Variants in DUS2 observed in about 807,000 individuals in gnomAD.
DUS2 encodes the protein tRNA-dihydrouridine(20) synthase [NAD(P)+]-like.
DUS2 carries 52 observed loss-of-function variants against 71.3 expected under a neutral mutation model. The observed-to-expected ratio is 0.73, with a 90% confidence interval of 0.58 to 0.92. The LOEUF (loss-of-function observed/expected upper bound fraction) is 0.92, where lower values mean the gene tolerates loss of function less well. Among genes scored for constraint, DUS2 ranks in the 40% least tolerant of loss-of-function variants. DUS2 has a pLI of 0.00. For synonymous variants in DUS2, 204 were observed against 227.8 expected (o/e 0.90, Z 0.94); for missense variants, 558 against 622.6 (o/e 0.90, Z 1.10).
chr16:68,049,695 T>A, intron 4 of DUS2, 145 bp downstream of exon 4: 1 of 754,504 alleles, frequency 1.3e-6, no homozygotes. Context: ...GAGCAGTCAC[T>A]GATCTCCAGA....
intron 4 of DUS2, among the ~76,000 whole-genome samples, chr16:68,053,036 C>A (rs547712423): frequency 3.3e-5 from 5 of 151,776 alleles, no homozygotes; most frequent in African/African-American, 4.8e-5. Flanking sequence ...GATCTCGGCT[C>A]GCTGCAACCT....
chr16:68,064,857 G>T (rs2033984703), intron 8 of DUS2, among the ~76,000 whole-genome samples: 1 of 152,140 alleles, frequency 6.6e-6, no homozygotes, highest in Admixed American at 6.5e-5. Context: ...TCCCTGATAG[G>T]CCTCCACTAC....
intron 8 of DUS2, among the ~76,000 whole-genome samples, chr16:68,065,233 C>G (rs1343909200): frequency 1.3e-5 from 2 of 152,092 alleles, no homozygotes; most frequent in Admixed American, 1.3e-4. Flanking sequence ...TTTCCTTTGC[C>G]AGTTTCACTC....
intron 1 of DUS2, among the ~76,000 whole-genome samples, chr16:68,025,122 G>A (rs1020063617): frequency 6.6e-6 from 1 of 152,080 alleles, no homozygotes; most frequent in African/African-American, 2.4e-5. Context: ...GAGCCGCTGT[G>A]CCCGGCCCAA....
rs368199365 is a variant in DUS2 at position 68,054,593 on chromosome 16, G to A, written c.284G>A (p.Arg95Gln). 9 of 1,614,134 alleles carry A rather than the reference G, an allele frequency of 5.6e-6. No individual in the cohort carries two copies. Among genetic ancestry groups the A allele is most frequent in the Non-Finnish European group, 7.6e-6 (9 of 1,180,020 alleles). The change falls in exon 6 of 17, where the codon CGA becomes CAA. Residue 95 changes from arginine (R) to glutamine (Q), a missense_variant. By Grantham distance (43) the Arg-to-Gln change is conservative. Transcript: ENST00000565263. ...VFQMGTSDAE[R>Q]ALAVARLVEN... ...TCCCAGGGGACTTCAGACGCAGAGC[G>A]AGCCCTTGCTGTGGCCAGGCTTGTG...
At chr16:68,023,934 C>T (rs555243696) in intron 1 of DUS2, 37 of 167,338 alleles carry the variant, frequency 2.2e-4, no homozygotes, top group Non-Finnish European at 4.4e-4. Context: ...GCTCCACTGG[C>T]TTCCCCGTCA....
At chr16:68,029,509 C>T (rs760247917) in intron 2 of DUS2, among the ~76,000 whole-genome samples, 4 of 151,884 alleles carry the variant, frequency 2.6e-5, no homozygotes, top group African/African-American at 4.8e-5. Flanking sequence ...TGCAGTGATA[C>T]GATCTTGGCT....
chr16:68,038,041 C>G lies in DUS2; in HGVS notation c.18C>G (p.Leu6=). MILNS[L]SLCYHNKLIL... ...AGGAGGAAATGATTTTGAATAGCCT[C>G]TCTCTGTGTTACCATAATAAGCTAA... Residue 6 remains leucine (L), a synonymous_variant, in exon 3 of 17, where the codon CTC becomes CTG. Coordinates refer to ENST00000565263, the MANE Select transcript of DUS2 (RefSeq NM_017803.5). The G allele has an allele frequency of 6.2e-7, 1 of 1,613,814 alleles. No individual in the cohort carries two copies. Among genetic ancestry groups the G allele is most frequent in the South Asian group, 1.1e-5 (1 of 91,070 alleles).
intron 1 of DUS2, among the ~76,000 whole-genome samples, chr16:68,024,337 G>A (rs1378509023): frequency 6.6e-6 from 1 of 152,006 alleles, no homozygotes; most frequent in African/African-American, 2.4e-5. Context: ...GGCCTCAAGC[G>A]ATCTTCCCAC....
At chr16:68,046,832 C>T (rs969563428) in intron 3 of DUS2, among the ~76,000 whole-genome samples, 9 of 151,764 alleles carry the variant, frequency 5.9e-5, no homozygotes, top group Non-Finnish European at 8.8e-5. Context: ...CTGCAAGCTC[C>T]GCCTGCCGGA....
At chr16:68,068,953 C>A (rs899750475) in intron 10 of DUS2, among the ~76,000 whole-genome samples, 5 of 151,940 alleles carry the variant, frequency 3.3e-5, no homozygotes, top group African/African-American at 1.2e-4. Context: ...TGGGAACACT[C>A]GGAAGACAGA....
At chr16:68,075,805 T>C (rs2034148766) in intron 14 of DUS2, among the ~76,000 whole-genome samples, 1 of 152,192 alleles carries the variant, frequency 6.6e-6, no homozygotes, top group Non-Finnish European at 1.5e-5. Context: ...TCCAAGGCCC[T>C]GAGGAACTGG....
At chr16:68,033,990 ACTC>A (rs1326682560) in intron 2 of DUS2, among the ~76,000 whole-genome samples, 1 of 150,744 alleles carries the variant, frequency 6.6e-6, no homozygotes, top group Non-Finnish European at 1.5e-5. Flanking sequence ...CTGATCTTGA[ACTC>A]CTGAGTTCAA....
At chr16:68,033,703 A>G (rs762207690) in intron 2 of DUS2, among the ~76,000 whole-genome samples, 168 of 149,820 alleles carry the variant, frequency 1.1e-3, no homozygotes, top group Admixed American at 4.0e-3. Context: ...CAGTGGCACA[A>G]TGTCAGCTCA....
chr16:68,024,754 C>A (rs1464359590), intron 1 of DUS2, among the ~76,000 whole-genome samples: 3 of 151,338 alleles, frequency 2.0e-5, no homozygotes, highest in African/African-American at 7.3e-5. Context: ...AATGAACAGT[C>A]ATTGGATAGG....
chr16:68,059,385 A>G (rs1016895617), intron 7 of DUS2, among the ~76,000 whole-genome samples: 2 of 152,196 alleles, frequency 1.3e-5, no homozygotes, highest in South Asian at 2.1e-4. Context: ...TTGTTGAGAA[A>G]GCTATTATTG....
chr16:68,059,882 G>A (rs1187701649), intron 7 of DUS2, among the ~76,000 whole-genome samples: 2 of 152,112 alleles, frequency 1.3e-5, no homozygotes, highest in African/African-American at 2.4e-5. Context: ...AAAAGAGCAG[G>A]AAAATCACCA....
At chr16:68,034,563 G>A (rs989558248) in intron 2 of DUS2, among the ~76,000 whole-genome samples, 5 of 151,910 alleles carry the variant, frequency 3.3e-5, no homozygotes, top group Admixed American at 2.0e-4. Flanking sequence ...ATGGAGTTTT[G>A]CCATGTTGTC....
At chr16:68,069,263 T>G (rs375066497) in intron 10 of DUS2, among the ~76,000 whole-genome samples, 10 of 152,286 alleles carry the variant, frequency 6.6e-5, no homozygotes, top group African/African-American at 1.9e-4. Context: ...TGGTAGCTCA[T>G]GCCTGTAATC....
Sources: allele counts gnomAD v4.1 joint callset (sites outside exome capture counted in the v4.1 genomes callset), GRCh38; gene constraint gnomAD v4.1.1; transcripts MANE v1.5; gene names NCBI Gene and HGNC (gene_info 2026-07-23, HGNC 2026-07-21).